Variants in FMNL2 observed in about 807,000 individuals in gnomAD.
FMNL2 encodes formin like 2.
In FMNL2, 51 loss-of-function variants were observed where a neutral mutation model predicts 130.2. The observed-to-expected ratio is 0.39, with a 90% CI of 0.31 to 0.49. The LOEUF is 0.49. FMNL2 is among the 20% of genes least tolerant of loss of function. The pLI is 0.85. For missense variants in FMNL2, 977 were observed against 1,316.2 expected (o/e 0.74, Z 3.99); for synonymous variants, 465 against 467.1 (o/e 1.00, Z 0.06).
intron 9 of FMNL2, among the ~76,000 whole-genome samples, chr2:152,595,389 C>T (rs147281579): frequency 6.6e-5 from 10 of 152,248 alleles, no homozygotes; most frequent in Admixed American, 4.6e-4. Context: ...GGCGCAATCT[C>T]GGCTCACTGC....
intron 1 of FMNL2, among the ~76,000 whole-genome samples, chr2:152,341,941 A>G (rs1048166827): frequency 6.6e-6 from 1 of 152,228 alleles, no homozygotes; most frequent in African/African-American, 2.4e-5. Flanking sequence ...TTGCAGCCCA[A>G]GAAGATAGGA....
intron 1 of FMNL2, among the ~76,000 whole-genome samples, chr2:152,346,601 G>A (rs1009212402): frequency 6.6e-6 from 1 of 152,076 alleles, no homozygotes; most frequent in African/African-American, 2.4e-5. Flanking sequence ...CGAGGCTGAA[G>A]TGAGCTGTAA....
intron 1 of FMNL2, among the ~76,000 whole-genome samples, chr2:152,459,928 A>G (rs149934750): frequency 6.8e-4 from 104 of 152,362 alleles, no homozygotes; most frequent in African/African-American, 2.3e-3. Flanking sequence ...GAAATCACCA[A>G]AATTTTCGTT....
chr2:152,356,552 C>A (rs1682794387), intron 1 of FMNL2, among the ~76,000 whole-genome samples: 1 of 152,052 alleles, frequency 6.6e-6, no homozygotes, highest in African/African-American at 2.4e-5. Context: ...TATCTGTAAC[C>A]CCAAAGTTAA....
chr2:152,462,761 G>C (rs1405241270), intron 1 of FMNL2, among the ~76,000 whole-genome samples: 1 of 152,140 alleles, frequency 6.6e-6, no homozygotes, highest in African/African-American at 2.4e-5. Context: ...TAGTTGACTT[G>C]CTGAAGGTCA....
chr2:152,540,747 C>T lies in FMNL2; in HGVS notation c.202-1992C>T, dbSNP rs928400618. Reference sequence around the variant, plus strand: ...GGGAGATATACCTAATGCTAGATGACGAGTTAGTGGGTGCAGCGCACCAGC... The same window carrying T: ...GGGAGATATACCTAATGCTAGATGATGAGTTAGTGGGTGCAGCGCACCAGC... On this transcript the variant is annotated intron_variant, in intron 2 of 25. Transcript: ENST00000288670. Among the ~76,000 whole-genome samples, 11 of 151,260 alleles carry T rather than the reference C, an allele frequency of 7.3e-5. No individual in the cohort carries two copies. In the East Asian group the frequency reaches 1.6e-3, roughly 22 times the overall value.
intron 3 of FMNL2, among the ~76,000 whole-genome samples, chr2:152,543,532 ACTC>A (rs1694435048): frequency 6.7e-6 from 1 of 150,316 alleles, no homozygotes; most frequent in African/African-American, 2.5e-5. Flanking sequence ...TTGACCTACA[ACTC>A]CTGCTTTTAA....
In FMNL2 at chr2:152,620,114, C is replaced by CT. The variant is rs377220175; in HGVS notation, c.1837+407dup. 1.3e-4 allele frequency among the ~76,000 whole-genome samples: 19 copies of CT among 146,844 alleles called. 1 individual carries two copies. Among genetic ancestry groups the CT allele is most frequent in the Middle Eastern group, 3.5e-3 (1 of 282 alleles). On this transcript the variant is annotated intron_variant, in intron 15 of 25. Coordinates refer to ENST00000288670, the MANE Select transcript of FMNL2 (RefSeq NM_052905.4). ...GCACAGACATTGAGTGCTTCTGGAT[C>CT]TTTTTTTTTTTAAATGGTATTTTTG... is the stretch of plus-strand genomic sequence containing the variant.
At chr2:152,365,272 G>A (rs1311135084) in intron 1 of FMNL2, among the ~76,000 whole-genome samples, 4 of 152,132 alleles carry the variant, frequency 2.6e-5, no homozygotes, top group Non-Finnish European at 4.4e-5. Context: ...GAGGAGAGGT[G>A]GGGAGCAGTT....
At chr2:152,542,243 T>A (rs1299501674) in intron 2 of FMNL2, among the ~76,000 whole-genome samples, 1 of 152,182 alleles carries the variant, frequency 6.6e-6, no homozygotes, top group Admixed American at 6.5e-5. Context: ...TTGCTCATAT[T>A]TGAAAAAAAT....
intron 1 of FMNL2, among the ~76,000 whole-genome samples, chr2:152,518,203 T>C (rs1692883777): frequency 6.6e-6 from 1 of 152,224 alleles, no homozygotes; most frequent in Admixed American, 6.5e-5. Flanking sequence ...CCCTGAACTT[T>C]AACCAGACCT....
At chr2:152,472,908 G>T (rs867802136) in intron 1 of FMNL2, among the ~76,000 whole-genome samples, 1 of 152,212 alleles carries the variant, frequency 6.6e-6, no homozygotes, top group South Asian at 2.1e-4. Flanking sequence ...TTTAAAAATA[G>T]AAGTTTAAGG....
intron 1 of FMNL2, among the ~76,000 whole-genome samples, chr2:152,460,650 C>G (rs1241752516): frequency 6.6e-6 from 1 of 152,204 alleles, no homozygotes; most frequent in Non-Finnish European, 1.5e-5. Flanking sequence ...ACAGTGCTCC[C>G]CATCACTTGC....
At chr2:152,350,231 T>G (rs1239588154) in intron 1 of FMNL2, among the ~76,000 whole-genome samples, 1 of 152,030 alleles carries the variant, frequency 6.6e-6, no homozygotes, top group Non-Finnish European at 1.5e-5. Context: ...CGTTTGCTGG[T>G]TCAGGAGCAG....
chr2:152,550,699 T>G (rs1694888392), intron 4 of FMNL2, among the ~76,000 whole-genome samples: 1 of 152,224 alleles, frequency 6.6e-6, no homozygotes, highest in African/African-American at 2.4e-5. Flanking sequence ...CTTTTGGGCA[T>G]TTAGACTCAG....
intron 1 of FMNL2, among the ~76,000 whole-genome samples, chr2:152,366,397 CCTG>C (rs1054457733): frequency 3.3e-5 from 5 of 151,612 alleles, no homozygotes; most frequent in African/African-American, 7.3e-5. Context: ...ATGTAACAAA[CCTG>C]CACGTTGTGC....
intron 22 of FMNL2, 97 bp downstream of exon 22, chr2:152,636,687 CTCT>C: frequency 2.9e-6 from 4 of 1,384,512 alleles, no homozygotes; most frequent in Non-Finnish European, 2.9e-6. Flanking sequence ...TTCCATTTCC[CTCT>C]GTTTGTGGAG....
intron 6 of FMNL2, among the ~76,000 whole-genome samples, chr2:152,572,304 A>T (rs372879067): frequency 7.9e-5 from 12 of 152,314 alleles, no homozygotes; most frequent in East Asian, 5.8e-4. Context: ...TAGCATAAAC[A>T]ATAGGTACTT....
At chr2:152,474,618 A>G (rs12104452) in intron 1 of FMNL2, among the ~76,000 whole-genome samples, 6,582 of 152,188 alleles carry the variant, frequency 0.043, 472 homozygotes, top group African/African-American at 0.15. Flanking sequence ...CCCAGGAGGT[A>G]GAGTTTGCAG....
Sources: allele counts gnomAD v4.1 joint callset (sites outside exome capture counted in the v4.1 genomes callset), GRCh38; gene constraint gnomAD v4.1.1; transcripts MANE v1.5; gene names NCBI Gene and HGNC (gene_info 2026-07-23, HGNC 2026-07-21).